The following RREB1 variants were observed in gnomAD, a reference collection of about 807,000 sequenced individuals.
The protein encoded by RREB1 is ras-responsive element-binding protein 1.
Under a neutral mutation model 117.8 loss-of-function variants are expected in RREB1, and 27 were observed. That is an observed-to-expected ratio of 0.23 (90% confidence interval 0.17 to 0.32). The LOEUF (loss-of-function observed/expected upper bound fraction) is 0.32. Ranked by LOEUF, RREB1 falls within the 10% of genes least tolerant of loss-of-function variation. The probability of loss-of-function intolerance (pLI) is 1.00; values close to 1 mark genes in which losing one functional copy is unlikely to be tolerated. For synonymous variants in RREB1, 1,298 were observed against 1,026.7 expected (o/e 1.26, Z -5.05); for missense variants, 2,577 against 2,378.2 (o/e 1.08, Z -1.74).
intron 8 of RREB1, among the ~76,000 whole-genome samples, chr6:7,221,711 G>A (rs1424705608): frequency 2.0e-5 from 3 of 152,248 alleles, no homozygotes; most frequent in Non-Finnish European, 4.4e-5. Flanking sequence ...GGAGGCAGGT[G>A]AAGGGAGCAG....
chr6:7,247,648 G>C (rs2113205798), intron 12 of RREB1, among the ~76,000 whole-genome samples: 1 of 152,264 alleles, frequency 6.6e-6, no homozygotes, highest in Admixed American at 6.5e-5. Context: ...CAGGCACCCT[G>C]GGTGATCCAT....
At chr6:7,132,783 A>G (rs1762204782) in intron 1 of RREB1, among the ~76,000 whole-genome samples, 1 of 151,936 alleles carries the variant, frequency 6.6e-6, no homozygotes, top group Admixed American at 6.6e-5. Flanking sequence ...ATAACACACT[A>G]TAAATACCCC....
chr6:7,153,445 A>ACACACACACAC (rs1380017386), intron 1 of RREB1, among the ~76,000 whole-genome samples: 1 of 105,938 alleles, frequency 9.4e-6, no homozygotes, highest in Non-Finnish European at 2.0e-5. Flanking sequence ...CACACACACA[A>ACACACACACAC]ATCCTCCAAT....
At position 7,250,097 on chromosome 6, in the gene RREB1, A is replaced by G. The variant is rs576391394; in HGVS notation, c.*1129A>G. The G allele has an allele frequency of 1.3e-5, 2 of 152,796 alleles. No individual in the cohort carries two copies. The highest frequency in any genetic ancestry group is 6.5e-5 in the Admixed American group (1 of 15,314). 9.5% of individuals were successfully genotyped at this position (152,796 alleles called of 1,614,324 possible). On this transcript the variant is annotated 3_prime_UTR_variant, in exon 13 of 13. Transcript: ENST00000379938. ...GCATGCATCCAGGGAACAGGCATCA[A>G]GAAGCCAGGGCCGTGCCTGGAGCAC... is the stretch of plus-strand genomic sequence containing the variant.
rs1032529471 is a variant in RREB1, at chr6:7,247,009, A to G, written c.4559A>G (p.Glu1520Gly). Residue 1520 changes from glutamate to glycine, a missense_variant, in exon 12 of 13, where the codon GAA (glutamate) becomes GGA (glycine). Coordinates refer to ENST00000379938, the MANE Select transcript of RREB1 (RefSeq NM_001003699.4). ...SAPGAGEAPAEKLAEETEGPS... is the reference protein window; with the variant it reads ...SAPGAGEAPAGKLAEETEGPS... Reference sequence around the variant, plus strand: ...CCGGGTGCCGGGGAGGCCCCGGCGGAAAAGCTCGCGGAGGAGACGGAGGGC... The same window carrying G: ...CCGGGTGCCGGGGAGGCCCCGGCGGGAAAGCTCGCGGAGGAGACGGAGGGC... 2.5e-6 allele frequency: 4 copies of G among 1,607,024 alleles called. No individual in the cohort carries two copies. In the African/African-American group the frequency reaches 4.0e-5, roughly 16 times the overall value.
chr6:7,241,052 T>G (rs1015400323), intron 11 of RREB1, among the ~76,000 whole-genome samples: 1 of 152,114 alleles, frequency 6.6e-6, no homozygotes, highest in Non-Finnish European at 1.5e-5. Context: ...CAGGGTATTG[T>G]AGGAACGAGG....
At chr6:7,208,578 G>GA (rs1481564208) in intron 6 of RREB1, among the ~76,000 whole-genome samples, 1 of 152,232 alleles carries the variant, frequency 6.6e-6, no homozygotes, top group Admixed American at 6.5e-5. Context: ...GGCTCAGTGG[G>GA]AGAACTGGAG....
chr6:7,145,140 AAAC>A (rs1326182291), intron 1 of RREB1, among the ~76,000 whole-genome samples: 2 of 152,204 alleles, frequency 1.3e-5, no homozygotes, highest in Non-Finnish European at 2.9e-5. Context: ...AAGCAGCCAT[AAAC>A]AACAAGTTAG....
chr6:7,248,955 T>C lies in RREB1; in HGVS notation c.5216T>C (p.Val1739Ala), dbSNP rs950685409. ...ACAGCTGATGGCGCCTCCCAGCTCG[T>C]GGGGATGGAGTGACAGCCTCAGTCC... Reference protein sequence around the residue: ...LATADGASQLVGME With the variant: ...LATADGASQLAGME The change falls in exon 13 of 13, where the codon GTG (valine) becomes GCG (alanine). Residue 1739 changes from valine (V) to alanine (A), a missense_variant. Val to Ala is a moderately conservative substitution (Grantham distance 64). Coordinates refer to ENST00000379938, the MANE Select transcript of RREB1 (RefSeq NM_001003699.4). 6.7e-7 allele frequency: 1 copy of C among 1,486,004 alleles called. No individual in the cohort carries two copies. The highest frequency in any genetic ancestry group is 8.9e-7 in the Non-Finnish European group (1 of 1,121,316). 92.1% of individuals were successfully genotyped at this position (1,486,004 alleles called of 1,614,324 possible).
intron 4 of RREB1, among the ~76,000 whole-genome samples, chr6:7,182,522 G>C (rs952651227): frequency 6.6e-6 from 1 of 152,214 alleles, no homozygotes; most frequent in Non-Finnish European, 1.5e-5. Flanking sequence ...TTTGGCTTCA[G>C]ATAATTCCAG....
At chr6:7,233,045 G>T (rs1448002127) in intron 10 of RREB1, among the ~76,000 whole-genome samples, 2 of 152,022 alleles carry the variant, frequency 1.3e-5, no homozygotes, top group East Asian at 3.9e-4. Flanking sequence ...ACAGGCATGC[G>T]CCACCATGCC....
chr6:7,242,649 C>CG (rs553843234), intron 11 of RREB1, among the ~76,000 whole-genome samples: 13 of 151,062 alleles, frequency 8.6e-5, no homozygotes, highest in South Asian at 4.3e-4. Flanking sequence ...GGTTCCCCCC[C>CG]CCCAGTGAAG....
intron 1 of RREB1, among the ~76,000 whole-genome samples, chr6:7,174,151 CTTTTT>C (rs59106767): frequency 7.6e-6 from 1 of 131,080 alleles, no homozygotes; most frequent in East Asian, 2.2e-4. Context: ...CTAGTCTTTC[CTTTTT>C]TTTTTTTTTT....
chr6:7,119,512 C>T (rs1226199347), intron 1 of RREB1, among the ~76,000 whole-genome samples: 1 of 151,986 alleles, frequency 6.6e-6, no homozygotes, highest in Admixed American at 6.6e-5. Context: ...GAGCTAATAG[C>T]TGAAGGATGG....
chr6:7,211,904 G>C, intron 8 of RREB1, 195 bp downstream of exon 8: 1 of 601,682 alleles, frequency 1.7e-6, no homozygotes, highest in Non-Finnish European at 2.9e-6. Context: ...GTATCCACAG[G>C]GTGTTCACAT....
chr6:7,177,739 T>C (rs1012725790), intron 2 of RREB1, among the ~76,000 whole-genome samples: 2 of 152,038 alleles, frequency 1.3e-5, no homozygotes, highest in Non-Finnish European at 2.9e-5. Context: ...TTCTTGTCTT[T>C]CTTGATGGAG....
intron 1 of RREB1, among the ~76,000 whole-genome samples, chr6:7,109,532 C>G (rs1208149952): frequency 6.6e-6 from 1 of 151,896 alleles, no homozygotes; most frequent in East Asian, 1.9e-4. Context: ...GGGCGGGGAG[C>G]TGGGGGACGC....
chr6:7,239,707 A>T (rs1442539769), intron 10 of RREB1, among the ~76,000 whole-genome samples: 1 of 152,272 alleles, frequency 6.6e-6, no homozygotes, highest in Admixed American at 6.5e-5. Flanking sequence ...AAATGCAGAC[A>T]TAGTTACGTA....
At chr6:7,154,985 G>C (rs1763294972) in intron 1 of RREB1, among the ~76,000 whole-genome samples, 1 of 152,168 alleles carries the variant, frequency 6.6e-6, no homozygotes, top group South Asian at 2.1e-4. Context: ...TGGCTAGGCA[G>C]CAGCTGCCCA....
Sources: allele counts gnomAD v4.1 joint callset (sites outside exome capture counted in the v4.1 genomes callset), GRCh38; gene constraint gnomAD v4.1.1; transcripts MANE v1.5; gene names NCBI Gene and HGNC (gene_info 2026-07-23, HGNC 2026-07-21).